The following SPATA7 variants were observed in gnomAD, a reference collection of about 807,000 sequenced individuals.
The protein encoded by SPATA7 is spermatogenesis-associated protein 7.
A neutral mutation model predicts 51.8 loss-of-function variants in SPATA7; 43 were observed. That is an observed-to-expected ratio of 0.83 (90% CI 0.65 to 1.07). SPATA7 has a LOEUF of 1.07. SPATA7 is among the 50% of genes least tolerant of loss of function. The pLI, the probability that SPATA7 is intolerant of heterozygous loss-of-function variation, is 0.00. For missense variants in SPATA7, 683 were observed against 701.3 expected, an observed-to-expected ratio of 0.97 and a Z score of 0.30; for synonymous variants, 230 against 252.8, an observed-to-expected ratio of 0.91 and a Z score of 0.86.
intron 4 of SPATA7, among the ~76,000 whole-genome samples, chr14:88,402,840 A>G (rs1360884838): frequency 1.3e-5 from 2 of 152,056 alleles, no homozygotes; most frequent in South Asian, 2.1e-4. Flanking sequence ...TTGTACAGCA[A>G]AGGAAACAAT....
chr14:88,445,415 A>G (rs1297502457), intron 3 of SPATA7, among the ~76,000 whole-genome samples: 2 of 152,144 alleles, frequency 1.3e-5, no homozygotes, highest in Non-Finnish European at 2.9e-5. Flanking sequence ...TAGATATACA[A>G]TCATGTCATC....
intron 3 of SPATA7, among the ~76,000 whole-genome samples, chr14:88,443,519 A>G (rs1374450643): frequency 1.3e-5 from 2 of 152,094 alleles, no homozygotes; most frequent in Non-Finnish European, 2.9e-5. Flanking sequence ...TTTAGGGTAC[A>G]TGTGCACAAT....
At chr14:88,438,975 A>C (rs2077159871), downstream of SPATA7, among the ~76,000 whole-genome samples, 1 of 152,196 alleles carries the variant, frequency 6.6e-6, no homozygotes, top group Non-Finnish European at 1.5e-5. Context: ...CCCACACTTA[A>C]GGGTTGGGAA....
In SPATA7 at chr14:88,468,937, G is replaced by A. The variant is rs61740081; in HGVS notation, c.255-910G>A. On this transcript the variant is annotated intron_variant, in intron 4 of 4. Coordinates refer to the SPATA7 transcript ENST00000556406. ...TCACCTCATTGTGTTCCAGGCAGGC[G>A]ATCATGATCTCCGACAAAATCACCA... The A allele has an allele frequency of 1.9e-4, 314 of 1,614,134 alleles. No individual in the cohort carries two copies. In the African/African-American group the frequency reaches 3.3e-3, roughly 17 times the overall value.
At chr14:88,390,173 C>T (rs574917747) in intron 1 of SPATA7, among the ~76,000 whole-genome samples, 33 of 152,210 alleles carry the variant, frequency 2.2e-4, no homozygotes, top group African/African-American at 7.9e-4. Flanking sequence ...GGAGCACTGC[C>T]TGGCAGGGTT....
intron 8 of SPATA7, among the ~76,000 whole-genome samples, chr14:88,429,995 C>T (rs568097900): frequency 6.6e-6 from 1 of 151,596 alleles, no homozygotes; most frequent in Non-Finnish European, 1.5e-5. Flanking sequence ...AATGGAGGCA[C>T]TCTTTAAAAA....
chr14:88,414,707 G>T, intron 4 of SPATA7: 1 of 378,970 alleles, frequency 2.6e-6, no homozygotes, highest in South Asian at 2.0e-5. Context: ...TCTTAACACT[G>T]CTTTTGCTGC....
At chr14:88,386,660 T>C (rs2075587310) in intron 1 of SPATA7, among the ~76,000 whole-genome samples, 1 of 152,172 alleles carries the variant, frequency 6.6e-6, no homozygotes, top group African/African-American at 2.4e-5. Context: ...CCAAATAATT[T>C]GCATTTTCAC....
intron 5 of SPATA7, among the ~76,000 whole-genome samples, chr14:88,419,892 G>A (rs2076592922): frequency 1.3e-5 from 2 of 151,966 alleles, no homozygotes; most frequent in Admixed American, 1.3e-4. Context: ...GACAAAATTT[G>A]AAGACAACAC....
chr14:88,415,324 T>C (rs1359584964), intron 4 of SPATA7: 3 of 256,262 alleles, frequency 1.2e-5, no homozygotes, highest in Non-Finnish European at 2.5e-5. Flanking sequence ...TTGTCCTTAT[T>C]GCTGTTGGTT....
chr14:88,441,309 C>A (rs1268249330), downstream of SPATA7, among the ~76,000 whole-genome samples: 1 of 152,060 alleles, frequency 6.6e-6, no homozygotes, highest in Non-Finnish European at 1.5e-5. Flanking sequence ...TATAAACATG[C>A]GTGTGCAAGT....
chr14:88,442,839 G>C (rs1284656002), downstream of SPATA7, among the ~76,000 whole-genome samples: 1 of 151,596 alleles, frequency 6.6e-6, no homozygotes, highest in Non-Finnish European at 1.5e-5. Flanking sequence ...TTTATCTTTT[G>C]GAATAGTGTC....
downstream of SPATA7, chr14:88,438,461 T>A (rs747029216): frequency 7.0e-7 from 1 of 1,430,642 alleles, no homozygotes; most frequent in East Asian, 2.3e-5. Context: ...AGTAACTCAA[T>A]ATTACTTTTC....
chr14:88,430,486 A>C (rs1311012763), intron 8 of SPATA7, among the ~76,000 whole-genome samples: 1 of 152,206 alleles, frequency 6.6e-6, no homozygotes. Context: ...TACCTGAATA[A>C]AATTTAGCTT....
intron 5 of SPATA7, among the ~76,000 whole-genome samples, chr14:88,423,099 C>T (rs1401065310): frequency 1.3e-5 from 2 of 152,142 alleles, no homozygotes; most frequent in African/African-American, 4.8e-5. Flanking sequence ...CCCTCCTAAG[C>T]CCTTCCAGTC....
At chr14:88,448,585 T>C (rs2077230222) in intron 3 of SPATA7, among the ~76,000 whole-genome samples, 1 of 152,208 alleles carries the variant, frequency 6.6e-6, no homozygotes, top group Non-Finnish European at 1.5e-5. Context: ...TTCCAGTTTT[T>C]CTGCTCTGTT....
chr14:88,445,825 A>T (rs900129760), intron 3 of SPATA7, among the ~76,000 whole-genome samples: 1 of 152,162 alleles, frequency 6.6e-6, no homozygotes, highest in African/African-American at 2.4e-5. Context: ...CTTGCATCCC[A>T]GGGATGAAGC....
At chr14:88,396,532 T>C (rs546481567) in intron 4 of SPATA7, among the ~76,000 whole-genome samples, 1 of 152,330 alleles carries the variant, frequency 6.6e-6, no homozygotes, top group African/African-American at 2.4e-5. Flanking sequence ...ATATCGTGTT[T>C]GTTCTGTTGT....
At chr14:88,439,386 A>G (rs764787328), downstream of SPATA7, among the ~76,000 whole-genome samples, 3 of 152,174 alleles carry the variant, frequency 2.0e-5, no homozygotes, top group Non-Finnish European at 4.4e-5. Context: ...GACCCTTACT[A>G]TTAGAACATG....
Sources: allele counts gnomAD v4.1 joint callset (sites outside exome capture counted in the v4.1 genomes callset), GRCh38; gene constraint gnomAD v4.1.1; transcripts MANE v1.5; gene names NCBI Gene and HGNC (gene_info 2026-07-23, HGNC 2026-07-21).